Variants in PDZD2 observed in about 807,000 individuals in gnomAD.
PDZD2 encodes the protein PDZ domain containing 2, also known as PDZ domain-containing protein 2.
Under a neutral mutation model 220.7 loss-of-function variants are expected in PDZD2, and 90 were observed. The ratio of observed to expected loss-of-function variants is 0.41; its 90% confidence interval spans 0.34 to 0.49. PDZD2 has a LOEUF of 0.49. Among genes scored for constraint, PDZD2 ranks in the 20% least tolerant of loss-of-function variants. PDZD2 has a pLI of 0.28. For synonymous variants in PDZD2, 1,375 were observed against 1,450.5 expected (o/e 0.95, Z 1.18); for missense variants, 3,174 against 3,608.5 (o/e 0.88, Z 3.08).
At chr5:31,670,229 C>T (rs1746162896) in intron 1 of PDZD2, among the ~76,000 whole-genome samples, 1 of 152,164 alleles carries the variant, frequency 6.6e-6, no homozygotes, top group Admixed American at 6.5e-5. Flanking sequence ...CTGGCTCACA[C>T]TGCTCAGGCC....
At chr5:31,840,469 C>CTT in intron 2 of PDZD2, 1 of 168,996 alleles carries the variant, frequency 5.9e-6, no homozygotes, top group Non-Finnish European at 1.1e-5. Context: ...GTCCAGAGGT[C>CTT]TTTTTTTTTT....
At chr5:32,082,898 C>T (rs1035730729) in intron 19 of PDZD2, among the ~76,000 whole-genome samples, 2 of 152,120 alleles carry the variant, frequency 1.3e-5, no homozygotes, top group African/African-American at 2.4e-5. Flanking sequence ...GAAACCAGAA[C>T]GAGAGGAGGT....
chr5:31,699,791 TG>T (rs1561391536), intron 1 of PDZD2, among the ~76,000 whole-genome samples: 1 of 101,102 alleles, frequency 9.9e-6, no homozygotes, highest in African/African-American at 3.4e-5. Context: ...GTTTTTTTTT[TG>T]TTTTTTTTTT....
intron 6 of PDZD2, among the ~76,000 whole-genome samples, chr5:32,029,107 A>G (rs1754924252): frequency 6.6e-6 from 1 of 152,126 alleles, no homozygotes; most frequent in African/African-American, 2.4e-5. Context: ...TCCAGCTCCA[A>G]GAAGACTGAA....
At chr5:31,862,607 C>T (rs1476900962) in intron 2 of PDZD2, among the ~76,000 whole-genome samples, 1 of 150,684 alleles carries the variant, frequency 6.6e-6, no homozygotes, top group African/African-American at 2.4e-5. Flanking sequence ...GATCCCCAGG[C>T]TGGAGTGCAG....
In PDZD2 at chr5:31,781,286, C is replaced by T. The variant is rs542323633; in HGVS notation, c.-360-17603C>T. Among the ~76,000 whole-genome samples the T allele has an allele frequency of 4.6e-5, 7 of 152,240 alleles. 1 individual carries two copies. Among genetic ancestry groups the T allele is most frequent in the African/African-American group, 1.7e-4 (7 of 41,550 alleles). On this transcript the variant is annotated intron_variant, in intron 1 of 24. Coordinates refer to ENST00000438447, the MANE Select transcript of PDZD2 (RefSeq NM_178140.4). ...AAAATTAGCTGGGTGTGGTGGTGCA[C>T]GTCTGTAATCCCAGCTACTCATGAG... is the stretch of plus-strand genomic sequence containing the variant.
intron 7 of PDZD2, among the ~76,000 whole-genome samples, chr5:32,042,027 AAC>A: frequency 2.5e-5 from 1 of 39,332 alleles, no homozygotes; most frequent in East Asian, 5.3e-4. Flanking sequence ...CATCCTGGCT[AAC>A]ACGGTGAAAC....
intron 24 of PDZD2, among the ~76,000 whole-genome samples, chr5:32,102,633 C>T (rs1242309224): frequency 6.6e-6 from 1 of 151,986 alleles, no homozygotes; most frequent in Non-Finnish European, 1.5e-5. Flanking sequence ...ACTATAAGAG[C>T]CCTCACAACA....
intron 1 of PDZD2, among the ~76,000 whole-genome samples, chr5:31,772,080 CA>C (rs1350194742): frequency 6.6e-6 from 1 of 152,136 alleles, no homozygotes; most frequent in Non-Finnish European, 1.5e-5. Context: ...AATTTCTCTT[CA>C]AACAATCAGT....
At chr5:31,771,933 C>A (rs1240133307) in intron 1 of PDZD2, among the ~76,000 whole-genome samples, 4 of 152,116 alleles carry the variant, frequency 2.6e-5, no homozygotes, top group Non-Finnish European at 5.9e-5. Context: ...TTTTTAGGCA[C>A]TGGAACCCTT....
At chr5:31,965,034 A>G (rs1669594076) in intron 2 of PDZD2, among the ~76,000 whole-genome samples, 1 of 152,114 alleles carries the variant, frequency 6.6e-6, no homozygotes, top group African/African-American at 2.4e-5. Flanking sequence ...TTTTTTTGCC[A>G]TTTTAATGGC....
chr5:31,993,192 A>G (rs1186416085), intron 3 of PDZD2, among the ~76,000 whole-genome samples: 1 of 152,236 alleles, frequency 6.6e-6, no homozygotes, highest in East Asian at 1.9e-4. Context: ...CAAAAACCAT[A>G]GAGTCCAAAA....
chr5:32,109,441 T>G lies in PDZD2; in HGVS notation c.*1306T>G, dbSNP rs1745153015. On this transcript the variant is annotated 3_prime_UTR_variant, in exon 25 of 25. Coordinates refer to ENST00000438447, the MANE Select transcript of PDZD2 (RefSeq NM_178140.4). Reference sequence around the variant, plus strand: ...TCCTCCTCTGGTGGCATGAGCTGCTTCCCAGTAGCTATTCCGATTGGATAT... The same window carrying G: ...TCCTCCTCTGGTGGCATGAGCTGCTGCCCAGTAGCTATTCCGATTGGATAT... 1 of 152,214 alleles carries G rather than the reference T, an allele frequency of 6.6e-6. No homozygotes were observed. The highest frequency in any genetic ancestry group is 1.5e-5 in the Non-Finnish European group (1 of 68,030). 9.4% of individuals were successfully genotyped at this position (152,214 alleles called of 1,614,324 possible). A position where few individuals can be genotyped will look rare whatever the true frequency, so the allele number is the denominator to read the frequency against.
chr5:32,049,426 T>G (rs1176172149), intron 8 of PDZD2, among the ~76,000 whole-genome samples: 2 of 152,144 alleles, frequency 1.3e-5, no homozygotes, highest in African/African-American at 4.8e-5. Flanking sequence ...GAAGCAGAGA[T>G]AGAGGACGGG....
intron 19 of PDZD2, among the ~76,000 whole-genome samples, chr5:32,085,254 C>CTT (rs145147102): frequency 3.2e-5 from 4 of 126,374 alleles, no homozygotes; most frequent in Non-Finnish European, 4.8e-5. Flanking sequence ...GCCCAGCTGC[C>CTT]TTTTTTTTTT....
intron 9 of PDZD2, among the ~76,000 whole-genome samples, 156 bp from the exon 10 acceptor site, chr5:32,053,613 C>A (rs1304211961): frequency 6.6e-6 from 1 of 152,226 alleles, no homozygotes; most frequent in Non-Finnish European, 1.5e-5. Context: ...GAGTTTGCAG[C>A]TAGTTGCTTA....
At chr5:32,039,593 T>G (rs900961286) in intron 7 of PDZD2, among the ~76,000 whole-genome samples, 4 of 151,836 alleles carry the variant, frequency 2.6e-5, no homozygotes, top group Non-Finnish European at 5.9e-5. Flanking sequence ...GGAGCCCCTC[T>G]GCCCGGCCAC....
intron 1 of PDZD2, among the ~76,000 whole-genome samples, chr5:31,757,647 T>C (rs1291900589): frequency 6.6e-6 from 1 of 151,904 alleles, no homozygotes; most frequent in African/African-American, 2.4e-5. Context: ...TGTGGCTAAT[T>C]GGCTGAGGTG....
At position 31,697,526 on chromosome 5, in the gene PDZD2, G is replaced by A. The variant is rs139333494; in HGVS notation, c.-361+58089G>A. 1.4e-3 allele frequency among the ~76,000 whole-genome samples: 207 copies of A among 152,280 alleles called. 1 individual carries two copies. Among genetic ancestry groups the A allele is most frequent in the Middle Eastern group, 0.01 (3 of 294 alleles). Reference sequence around the variant, plus strand: ...CATAAAGAAGATTTAAAAATCACCTGGAATCTTGCCCCTGGAGATAACCAC... The same window carrying A: ...CATAAAGAAGATTTAAAAATCACCTAGAATCTTGCCCCTGGAGATAACCAC... On this transcript the variant is annotated intron_variant, in intron 1 of 24. Transcript: ENST00000438447.
Sources: gnomAD v4.1 joint callset for allele counts (sites outside exome capture counted in the v4.1 genomes callset) on GRCh38, gnomAD v4.1.1 for gene constraint, MANE v1.5 for transcripts, NCBI Gene and HGNC (gene_info 2026-07-23, HGNC 2026-07-21) for gene names.